The following RASGRF1 variants were observed in gnomAD, a reference collection of about 807,000 sequenced individuals.
RASGRF1 encodes Ras protein specific guanine nucleotide releasing factor 1.
A neutral mutation model predicts 138.7 loss-of-function variants in RASGRF1; 40 were observed. That is an observed-to-expected ratio of 0.29 (90% confidence interval 0.22 to 0.38). The LOEUF (loss-of-function observed/expected upper bound fraction) is 0.38. Among genes scored for constraint, RASGRF1 ranks in the 10% least tolerant of loss-of-function variants. RASGRF1 has a pLI of 1.00. For synonymous variants in RASGRF1, 614 were observed against 663.2 expected (o/e 0.93, Z 1.14); for missense variants, 1,108 against 1,650.4 (o/e 0.67, Z 5.69).
Position 79,065,917 on chromosome 15 carries a change from G to A in RASGRF1, c.277-1391C>T, listed in dbSNP as rs541933057. 7.9e-5 allele frequency among the ~76,000 whole-genome samples: 12 copies of A among 151,864 alleles called. 1 individual carries two copies. In the South Asian group the frequency reaches 2.5e-3, roughly 32 times the overall value. ...CCGGGTGTATGTGAAGTGGGGGGCG[G>A]GGGGAATGAGTATGGCAGGAGAGAG... On this transcript the variant is annotated intron_variant, in intron 1 of 26. Coordinates refer to ENST00000558480, the MANE Select transcript of RASGRF1 (RefSeq NM_001145648.3).
intron 1 of RASGRF1, among the ~76,000 whole-genome samples, chr15:79,082,678 C>T (rs1229009815): frequency 6.6e-6 from 1 of 152,116 alleles, no homozygotes; most frequent in Non-Finnish European, 1.5e-5. Flanking sequence ...AGAGATATAC[C>T]CAGGAGGAAA....
intron 13 of RASGRF1, among the ~76,000 whole-genome samples, chr15:79,010,168 C>T (rs1262082758): frequency 6.6e-6 from 1 of 151,938 alleles, no homozygotes; most frequent in East Asian, 1.9e-4. Flanking sequence ...TCCTGAGTAG[C>T]TGGGATTACA....
chr15:79,018,175 C>T (rs1362899760), intron 11 of RASGRF1, among the ~76,000 whole-genome samples: 1 of 152,254 alleles, frequency 6.6e-6, no homozygotes, highest in Non-Finnish European at 1.5e-5. Context: ...TGCCCTCTGC[C>T]CTCATTACAC....
intron 13 of RASGRF1, among the ~76,000 whole-genome samples, chr15:79,008,426 G>C (rs187333502): frequency 6.6e-6 from 1 of 152,342 alleles, no homozygotes; most frequent in Non-Finnish European, 1.5e-5. Context: ...TGCCTTCTAA[G>C]TTAGCTTTGC....
chr15:79,071,195 G>C (rs2057750228), intron 1 of RASGRF1, among the ~76,000 whole-genome samples: 1 of 152,152 alleles, frequency 6.6e-6, no homozygotes, highest in Non-Finnish European at 1.5e-5. Context: ...TCCCCTTACT[G>C]CACCTTCAAC....
chr15:79,053,585 T>C (rs2057462244), intron 3 of RASGRF1, among the ~76,000 whole-genome samples: 1 of 152,198 alleles, frequency 6.6e-6, no homozygotes, highest in South Asian at 2.1e-4. Flanking sequence ...GGCTTTCTGG[T>C]AATGAAAGAG....
rs759962241 is a variant in RASGRF1 at position 78,959,987 on chromosome 15, T to C, written c.*2157A>G. ...CATTTAATTCTACTCTGTAATGAGATACCATTTTCATCCCCATTTTTCAGA... is the reference window on the plus strand; with the variant it reads ...CATTTAATTCTACTCTGTAATGAGACACCATTTTCATCCCCATTTTTCAGA... On this transcript the variant is annotated 3_prime_UTR_variant, in exon 27 of 27. Coordinates refer to ENST00000558480, the MANE Select transcript of RASGRF1 (RefSeq NM_001145648.3). 1.3e-5 allele frequency: 2 copies of C among 152,242 alleles called. No individual in the cohort carries two copies. Among genetic ancestry groups the C allele is most frequent in the Non-Finnish European group, 2.9e-5 (2 of 68,040 alleles). The allele number at this position is 152,242 out of a possible 1,614,324, so 9.4% of individuals were successfully genotyped here.
At chr15:79,004,326 GC>G (rs1349424893) in intron 14 of RASGRF1, 151 bp from the exon 15 acceptor site, 8 of 1,104,500 alleles carry the variant, frequency 7.2e-6, no homozygotes, top group Non-Finnish European at 1.0e-5. Context: ...GATCCTCTGA[GC>G]AGGGACAATG....
At chr15:79,009,817 C>T (rs1341454666) in intron 13 of RASGRF1, among the ~76,000 whole-genome samples, 29 of 151,886 alleles carry the variant, frequency 1.9e-4, no homozygotes, top group Non-Finnish European at 2.7e-4. Flanking sequence ...CTCCGCCTCC[C>T]GGGTTCAAGT....
At chr15:78,975,791 A>G (rs1374396166) in intron 24 of RASGRF1, among the ~76,000 whole-genome samples, 1 of 152,164 alleles carries the variant, frequency 6.6e-6, no homozygotes, top group Non-Finnish European at 1.5e-5. Flanking sequence ...AAGTGCTCAG[A>G]TTACAGGTGT....
At chr15:79,020,629 C>T (rs2056947455) in intron 10 of RASGRF1, among the ~76,000 whole-genome samples, 2 of 152,176 alleles carry the variant, frequency 1.3e-5, no homozygotes. Flanking sequence ...GAGAGAGCCT[C>T]AAGGGCCCGA....
chr15:79,042,811 G>A (rs2057313422), intron 5 of RASGRF1, among the ~76,000 whole-genome samples: 1 of 152,238 alleles, frequency 6.6e-6, no homozygotes, highest in Non-Finnish European at 1.5e-5. Flanking sequence ...AAGCCCTGCT[G>A]TAGTGTGGGA....
intron 12 of RASGRF1, among the ~76,000 whole-genome samples, chr15:79,016,772 C>T (rs955921179): frequency 3.3e-5 from 5 of 152,140 alleles, no homozygotes; most frequent in African/African-American, 9.7e-5. Flanking sequence ...AGGCTGGGAG[C>T]GGCAGTCAGG....
intron 23 of RASGRF1, among the ~76,000 whole-genome samples, chr15:78,982,531 C>T (rs1267715710): frequency 6.6e-6 from 1 of 152,090 alleles, no homozygotes; most frequent in East Asian, 1.9e-4. Context: ...CCATGGGATA[C>T]CAAGCCTCTG....
At chr15:79,035,576 T>C (rs1295344813) in intron 5 of RASGRF1, among the ~76,000 whole-genome samples, 9 of 151,968 alleles carry the variant, frequency 5.9e-5, no homozygotes, top group African/African-American at 1.9e-4. Context: ...CCACACCCCC[T>C]CCCCCAAGGT....
intron 14 of RASGRF1, 122 bp from the exon 15 acceptor site, chr15:79,004,297 TG>T (rs2056622107): frequency 7.8e-7 from 1 of 1,277,152 alleles, no homozygotes; most frequent in South Asian, 1.5e-5. Context: ...TTAGGATCCC[TG>T]AAACCCATAC....
chr15:78,962,021 G>T lies in RASGRF1; in HGVS notation c.*123C>A. 1.5e-6 allele frequency: 1 copy of T among 667,116 alleles called. No homozygotes were observed. 41.3% of individuals were successfully genotyped at this position (667,116 alleles called of 1,614,324 possible). Reference sequence around the variant, plus strand: ...CGGTTCTACAGGAATCTAAGAACAAGGACGATTTGTATTCTTGGAGAAGCA... The same window carrying T: ...CGGTTCTACAGGAATCTAAGAACAATGACGATTTGTATTCTTGGAGAAGCA... On this transcript the variant is annotated 3_prime_UTR_variant, in exon 27 of 27. Transcript: ENST00000558480.
rs541882965 is a variant in RASGRF1 at position 79,042,077 on chromosome 15, T to C, written c.878+4669A>G. On this transcript the variant is annotated intron_variant, in intron 5 of 26. Transcript: ENST00000558480. ...AAATAGCCCGTCTCTAAGCTTATTG[T>C]CTTGGCTGAACAAAGCCTGCTGCAA... Among the ~76,000 whole-genome samples, 18 of 152,342 alleles carry C rather than the reference T, an allele frequency of 1.2e-4. No homozygotes were observed. The South Asian group carries it at 3.5e-3, about 30-fold the overall frequency.
chr15:79,063,151 G>T (rs562311795), intron 2 of RASGRF1, among the ~76,000 whole-genome samples: 1 of 152,246 alleles, frequency 6.6e-6, no homozygotes, highest in South Asian at 2.1e-4. Context: ...AGCTACCTGT[G>T]CATATGTCTA....
Sources: allele counts gnomAD v4.1 joint callset (sites outside exome capture counted in the v4.1 genomes callset), GRCh38; gene constraint gnomAD v4.1.1; transcripts MANE v1.5; gene names NCBI Gene and HGNC (gene_info 2026-07-23, HGNC 2026-07-21).